Variants in TLE1 observed in about 807,000 individuals in gnomAD.
TLE1 encodes the protein TLE family member 1, transcriptional corepressor.
TLE1 carries 21 observed loss-of-function variants against 89.8 expected under a neutral mutation model. That is an observed-to-expected ratio of 0.23 (90% CI 0.17 to 0.34). The LOEUF is 0.34. TLE1 is among the 10% of genes least tolerant of loss of function. TLE1 has a pLI of 1.00. For synonymous variants in TLE1, 447 were observed against 407.6 expected, an observed-to-expected ratio of 1.10 and a Z score of -1.16; for missense variants, 795 against 1,031.2, an observed-to-expected ratio of 0.77 and a Z score of 3.14.
At chr9:81,668,186 G>A (rs1196226054) in intron 4 of TLE1, among the ~76,000 whole-genome samples, 1 of 150,988 alleles carries the variant, frequency 6.6e-6, no homozygotes, top group Non-Finnish European at 1.5e-5. Flanking sequence ...AAAAAAGAAG[G>A]ATATGTAAAG....
intron 14 of TLE1, among the ~76,000 whole-genome samples, chr9:81,599,170 T>A (rs1280660770): frequency 6.6e-6 from 1 of 152,128 alleles, no homozygotes; most frequent in African/African-American, 2.4e-5. Context: ...GTTTGCCACA[T>A]CACAGGAGGG....
chr9:81,624,019 C>T (rs756402899), intron 8 of TLE1, among the ~76,000 whole-genome samples: 1 of 152,122 alleles, frequency 6.6e-6, no homozygotes, highest in Admixed American at 6.5e-5. Flanking sequence ...ATTCCCATTA[C>T]AGCCAAAGTG....
At chr9:81,687,460 G>T in intron 1 of TLE1, 26 bp from the exon 2 acceptor site, 1 of 1,573,444 alleles carries the variant, frequency 6.4e-7, no homozygotes, top group South Asian at 1.1e-5. Context: ...GAGGGGGACC[G>T]AGGGACGGGA....
At chr9:81,617,839 C>T (rs1234809638) in intron 9 of TLE1, among the ~76,000 whole-genome samples, 1 of 152,178 alleles carries the variant, frequency 6.6e-6, no homozygotes, top group African/African-American at 2.4e-5. Context: ...GCCTGGACAA[C>T]ATGGTGAAAC....
chr9:81,652,660 A>G (rs930019839), intron 5 of TLE1, among the ~76,000 whole-genome samples: 2 of 152,220 alleles, frequency 1.3e-5, no homozygotes, highest in African/African-American at 4.8e-5. Flanking sequence ...TAAAATATGC[A>G]TTTTACAGCC....
chr9:81,654,071 C>A, intron 4 of TLE1, 35 bp from the exon 5 acceptor site: 1 of 1,605,620 alleles, frequency 6.2e-7, no homozygotes, highest in African/African-American at 1.3e-5. Flanking sequence ...GTTTAGAATA[C>A]TTCACAATCA....
At chr9:81,646,848 G>C (rs760719049) in intron 6 of TLE1, among the ~76,000 whole-genome samples, 23 of 152,096 alleles carry the variant, frequency 1.5e-4, no homozygotes, top group Non-Finnish European at 3.2e-4. Flanking sequence ...TTTATACTAA[G>C]TTGTTTTAAA....
intron 8 of TLE1, among the ~76,000 whole-genome samples, chr9:81,632,479 T>TTA (rs1826791197): frequency 1.7e-5 from 1 of 58,486 alleles, no homozygotes. Flanking sequence ...GTATCCCTTT[T>TTA]TTTTTTTTTT....
At chr9:81,665,673 GC>G (rs1010718924) in intron 4 of TLE1, among the ~76,000 whole-genome samples, 1 of 152,114 alleles carries the variant, frequency 6.6e-6, no homozygotes, top group African/African-American at 2.4e-5. Context: ...CAACTCAAGT[GC>G]CCTTAATTGT....
rs1255975232 is a variant in TLE1, at chr9:81,688,853, G to GT, written c.-614dup. On this transcript the variant is annotated 5_prime_UTR_variant, in exon 1 of 20. Transcript: ENST00000376499. Reference sequence around the variant, plus strand: ...CTCCCGGGACGCAAAGGGGAGCGAGGTTGAAGACGCAGCGGAGGCTCCTGG... The same window carrying GT: ...CTCCCGGGACGCAAAGGGGAGCGAGGTTTGAAGACGCAGCGGAGGCTCCTGG... The GT allele has an allele frequency of 6.6e-6, 1 of 152,294 alleles. No homozygotes were observed. The highest frequency in any genetic ancestry group is 1.5e-5 in the Non-Finnish European group (1 of 68,108). 9.4% of individuals were successfully genotyped at this position (152,294 alleles called of 1,614,324 possible). A position where few individuals can be genotyped will look rare whatever the true frequency, so the allele number is the denominator to read the frequency against.
chr9:81,622,768 G>T (rs1825433923), intron 8 of TLE1, among the ~76,000 whole-genome samples: 1 of 152,116 alleles, frequency 6.6e-6, no homozygotes, highest in African/African-American at 2.4e-5. Flanking sequence ...ACTTCAACAA[G>T]TTACAAAACA....
At chr9:81,668,023 G>C (rs1387199156) in intron 4 of TLE1, among the ~76,000 whole-genome samples, 1 of 152,140 alleles carries the variant, frequency 6.6e-6, no homozygotes, top group African/African-American at 2.4e-5. Context: ...AATTAGCCGG[G>C]CGTGGTGGCA....
At chr9:81,665,571 T>A (rs1036050274) in intron 4 of TLE1, among the ~76,000 whole-genome samples, 1 of 152,042 alleles carries the variant, frequency 6.6e-6, no homozygotes, top group Non-Finnish European at 1.5e-5. Flanking sequence ...CAACACTAAT[T>A]GCTCCCATTC....
Position 81,584,127 on chromosome 9 carries a change from AC to A in TLE1, c.*70del. On this transcript the variant is annotated 3_prime_UTR_variant, in exon 20 of 20. Transcript: ENST00000376499. ...ATTTTTTTTCTCTTTTAAAGTTACA[AC>A]TTTTCTATTTCTATAAATTCGAAAC... 1 of 1,386,784 alleles carries A rather than the reference AC, an allele frequency of 7.2e-7. No homozygotes were observed. The highest frequency in any genetic ancestry group is 1.0e-6 in the Non-Finnish European group (1 of 980,500). 85.9% of individuals were successfully genotyped at this position (1,386,784 alleles called of 1,614,324 possible).
chr9:81,644,017 C>T (rs1828504788), intron 6 of TLE1, among the ~76,000 whole-genome samples: 1 of 152,148 alleles, frequency 6.6e-6, no homozygotes, highest in Non-Finnish European at 1.5e-5. Context: ...CATCAGCCAT[C>T]AGGAAAATGC....
intron 14 of TLE1, among the ~76,000 whole-genome samples, chr9:81,603,664 CT>C (rs1224517168): frequency 6.6e-6 from 1 of 152,202 alleles, no homozygotes; most frequent in African/African-American, 2.4e-5. Context: ...GCCCAAAACT[CT>C]TTTTCTTGTC....
chr9:81,646,108 TC>T (rs1359275046), intron 6 of TLE1, among the ~76,000 whole-genome samples: 1 of 152,172 alleles, frequency 6.6e-6, no homozygotes, highest in Non-Finnish European at 1.5e-5. Flanking sequence ...TATACATGTA[TC>T]CCGGAACTTA....
chr9:81,644,248 T>A (rs566163518), intron 6 of TLE1, among the ~76,000 whole-genome samples: 1 of 152,086 alleles, frequency 6.6e-6, no homozygotes, highest in East Asian at 1.9e-4. Context: ...AGAGAAAACA[T>A]GCCCACACAA....
intron 8 of TLE1, among the ~76,000 whole-genome samples, chr9:81,632,448 GT>G (rs1826768041): frequency 7.0e-6 from 1 of 142,742 alleles, no homozygotes; most frequent in Non-Finnish European, 1.5e-5. Flanking sequence ...TACCAAAAAA[GT>G]TATCAGATTT....
Sources: gnomAD v4.1 joint callset for allele counts (sites outside exome capture counted in the v4.1 genomes callset) on GRCh38, gnomAD v4.1.1 for gene constraint, MANE v1.5 for transcripts, NCBI Gene and HGNC (gene_info 2026-07-23, HGNC 2026-07-21) for gene names.